VAV3: variants seen among roughly 807,000 people sequenced by gnomAD.
VAV3 encodes the protein vav guanine nucleotide exchange factor 3.
A neutral mutation model predicts 131.2 loss-of-function variants in VAV3; 94 were observed. The ratio of observed to expected loss-of-function variants is 0.72; its 90% CI spans 0.61 to 0.85. VAV3 has a LOEUF of 0.85. VAV3 is among the 40% of genes least tolerant of loss of function. The pLI is 0.00. For missense variants in VAV3, 939 were observed against 1,002.7 expected, an observed-to-expected ratio of 0.94 and a Z score of 0.86; for synonymous variants, 349 against 342.0, an observed-to-expected ratio of 1.02 and a Z score of -0.22.
At chr1:107,773,929 C>A (rs570470594) in intron 4 of VAV3, among the ~76,000 whole-genome samples, 1 of 152,232 alleles carries the variant, frequency 6.6e-6, no homozygotes, top group South Asian at 2.1e-4. Flanking sequence ...CACTCCTAAT[C>A]CCAGAACTCC....
intron 4 of VAV3, among the ~76,000 whole-genome samples, chr1:107,773,432 T>C (rs186628351): frequency 2.0e-5 from 3 of 152,352 alleles, no homozygotes; most frequent in South Asian, 4.1e-4. Flanking sequence ...TGCAGTGTTA[T>C]AATCAGCATC....
Position 107,591,360 on chromosome 1 carries a change from T to C in VAV3, c.2350+4852A>G, listed in dbSNP as rs139541501. 5.2e-3 allele frequency among the ~76,000 whole-genome samples: 789 copies of C among 152,288 alleles called. 6 individuals are homozygous for C. Among genetic ancestry groups the C allele is most frequent in the African/African-American group, 0.018 (729 of 41,558 alleles). The stretch of plus-strand genomic sequence containing the variant: ...TATTCACTATTATAATTCAAGTATC[T>C]AGCACAAGGCCTAGCACATACTAAG... On this transcript the variant is annotated intron_variant, in intron 25 of 26. Transcript: ENST00000370056.
At chr1:107,697,188 A>G (rs962638206) in intron 17 of VAV3, among the ~76,000 whole-genome samples, 25 of 152,180 alleles carry the variant, frequency 1.6e-4, no homozygotes, top group African/African-American at 5.5e-4. Context: ...TACTGATGGA[A>G]TGATACAGAG....
At chr1:107,887,848 G>A (rs1671112025) in intron 1 of VAV3, among the ~76,000 whole-genome samples, 1 of 151,868 alleles carries the variant, frequency 6.6e-6, no homozygotes, top group Admixed American at 6.6e-5. Context: ...AATTTTTCTG[G>A]CACCTCTTTA....
At chr1:107,574,992 T>C (rs1410754417) in intron 25 of VAV3, among the ~76,000 whole-genome samples, 29 of 64,318 alleles carry the variant, frequency 4.5e-4, no homozygotes, top group Non-Finnish European at 8.5e-4. Flanking sequence ...TGTGTGTGTG[T>C]GCGTGCGTGC....
At chr1:107,850,313 A>G (rs559747016) in intron 2 of VAV3, among the ~76,000 whole-genome samples, 2 of 152,298 alleles carry the variant, frequency 1.3e-5, no homozygotes, top group East Asian at 3.9e-4. Flanking sequence ...AAAGACTTCA[A>G]ACCAACCTAA....
At chr1:107,792,951 T>C (rs1319013332) in intron 2 of VAV3, among the ~76,000 whole-genome samples, 2 of 152,170 alleles carry the variant, frequency 1.3e-5, no homozygotes, top group African/African-American at 4.8e-5. Flanking sequence ...AATGATATTC[T>C]GGTTTAAAAG....
At chr1:107,762,547 A>G (rs1185782657) in intron 9 of VAV3, among the ~76,000 whole-genome samples, 1 of 152,216 alleles carries the variant, frequency 6.6e-6, no homozygotes, top group African/African-American at 2.4e-5. Flanking sequence ...TACATTGTTA[A>G]TATTACTATA....
At chr1:107,598,173 G>A (rs944915645) in intron 24 of VAV3, among the ~76,000 whole-genome samples, 11 of 152,216 alleles carry the variant, frequency 7.2e-5, no homozygotes, top group African/African-American at 2.6e-4. Context: ...GGCCAACATG[G>A]TGAAACCCTG....
intron 23 of VAV3, 53 bp downstream of exon 23, chr1:107,602,994 T>C (rs1457374773): frequency 6.2e-6 from 9 of 1,444,018 alleles, no homozygotes; most frequent in Non-Finnish European, 7.8e-6. Context: ...AGATGGTCTA[T>C]GCAATTATGA....
At chr1:107,746,852 G>C (rs1663377157) in intron 15 of VAV3, among the ~76,000 whole-genome samples, 1 of 150,872 alleles carries the variant, frequency 6.6e-6, no homozygotes. Context: ...GAAGTCAAAT[G>C]CTGACAATAG....
At chr1:107,864,813 T>G (rs912838647) in intron 2 of VAV3, among the ~76,000 whole-genome samples, 1 of 152,194 alleles carries the variant, frequency 6.6e-6, no homozygotes, top group African/African-American at 2.4e-5. Flanking sequence ...GTTTATGCTT[T>G]ACCAATTTGT....
At chr1:107,768,575 C>A (rs1266292791) in intron 6 of VAV3, 66 bp from the exon 7 acceptor site, 7 of 1,294,502 alleles carry the variant, frequency 5.4e-6, no homozygotes, top group Admixed American at 2.1e-5. Context: ...AATAGTTTTT[C>A]ATCAACAAAC....
At chr1:107,837,230 G>A (rs1005918628) in intron 2 of VAV3, among the ~76,000 whole-genome samples, 1 of 152,136 alleles carries the variant, frequency 6.6e-6, no homozygotes, top group Non-Finnish European at 1.5e-5. Flanking sequence ...CCATGATGAA[G>A]GAGGCCTTAT....
chr1:107,920,080 T>C (rs1203992624), intron 1 of VAV3, among the ~76,000 whole-genome samples: 1 of 152,182 alleles, frequency 6.6e-6, no homozygotes, highest in African/African-American at 2.4e-5. Flanking sequence ...ATATCTTTAG[T>C]TTGCATTTCA....
intron 1 of VAV3, among the ~76,000 whole-genome samples, chr1:107,956,513 G>A (rs979659118): frequency 3.3e-5 from 5 of 152,166 alleles, no homozygotes; most frequent in African/African-American, 1.2e-4. Context: ...CACAGCAACG[G>A]TATAGGCACT....
chr1:107,818,404 C>T (rs896267380), intron 2 of VAV3, among the ~76,000 whole-genome samples: 1 of 150,996 alleles, frequency 6.6e-6, no homozygotes, highest in Admixed American at 6.6e-5. Flanking sequence ...ATCATGCTTT[C>T]AGTAATGATT....
chr1:107,671,226 C>T (rs557502664), intron 19 of VAV3, among the ~76,000 whole-genome samples: 5 of 152,140 alleles, frequency 3.3e-5, no homozygotes, highest in East Asian at 1.9e-4. Context: ...AGACATCACA[C>T]GATTTTGTTG....
intron 18 of VAV3, 116 bp from the exon 19 acceptor site, chr1:107,683,649 A>G (rs958986114): frequency 2.0e-6 from 2 of 1,001,976 alleles, no homozygotes; most frequent in African/African-American, 3.2e-5. Flanking sequence ...TTTCCAAGTC[A>G]AAGTATGACT....
Sources: allele counts gnomAD v4.1 joint callset (sites outside exome capture counted in the v4.1 genomes callset), GRCh38; gene constraint gnomAD v4.1.1; transcripts MANE v1.5; gene names NCBI Gene and HGNC (gene_info 2026-07-23, HGNC 2026-07-21).